Variants in RIPK1 observed in about 807,000 individuals in gnomAD.
The protein encoded by RIPK1 is receptor-interacting serine/threonine-protein kinase 1.
Under a neutral mutation model 62.4 loss-of-function variants are expected in RIPK1, and 27 were observed. That is an observed-to-expected ratio of 0.43 (90% confidence interval 0.32 to 0.60). RIPK1 has a LOEUF of 0.60. Ranked by LOEUF, RIPK1 falls within the 20% of genes least tolerant of loss-of-function variation. The pLI, the probability that RIPK1 is intolerant of heterozygous loss-of-function variation, is 0.07. For missense variants in RIPK1, 735 were observed against 831.0 expected (o/e 0.88, Z 1.42); for synonymous variants, 287 against 303.2 (o/e 0.95, Z 0.55).
intron 7 of RIPK1, among the ~76,000 whole-genome samples, chr6:3,101,326 A>C (rs1030556713): frequency 1.3e-5 from 2 of 152,158 alleles, no homozygotes; most frequent in Admixed American, 6.5e-5. Flanking sequence ...GAGGTGGCTC[A>C]TGCCTGTAAT....
chr6:3,098,417 A>G (rs972837385), intron 7 of RIPK1, among the ~76,000 whole-genome samples: 1 of 152,176 alleles, frequency 6.6e-6, no homozygotes, highest in Non-Finnish European at 1.5e-5. Context: ...TAAAACCACA[A>G]TAAGATAATA....
At chr6:3,103,601 C>A (rs1477597312) in intron 7 of RIPK1, among the ~76,000 whole-genome samples, 2 of 152,172 alleles carry the variant, frequency 1.3e-5, no homozygotes, top group Non-Finnish European at 2.9e-5. Flanking sequence ...TCTTTTTACT[C>A]TTTTCATAGT....
Position 3,072,271 on chromosome 6 carries a change from A to G in RIPK1, c.-61+3610A>G, listed in dbSNP as rs1373281789. On this transcript the variant is annotated intron_variant, in intron 1 of 10. Transcript: ENST00000259808. This position sits in a 1 kb window ranked among gnomAD's most constrained non-coding sequence, Gnocchi z 5.6. ...TCATGTCTATTGTGGAAAATTTGGA[A>G]AACATAGTAAAAGTGTAAAGAAGAA... Among the ~76,000 whole-genome samples the G allele has an allele frequency of 2.6e-5, 4 of 152,210 alleles. No homozygotes were observed. Among genetic ancestry groups the G allele is most frequent in the Non-Finnish European group, 4.4e-5 (3 of 68,038 alleles).
At chr6:3,079,864 G>T (rs1002213548) in intron 3 of RIPK1, among the ~76,000 whole-genome samples, 2 of 152,182 alleles carry the variant, frequency 1.3e-5, no homozygotes, top group African/African-American at 4.8e-5. Context: ...TACTAACCAG[G>T]CCCAACCCTG....
chr6:3,076,974 C>T lies in RIPK1; in HGVS notation c.151C>T (p.Pro51Ser), dbSNP rs1759098093. The change falls in exon 2 of 11, where the codon CCC (proline) becomes TCC (serine). Residue 51 changes from proline to serine, a missense_variant. Pro to Ser is a moderately conservative substitution (Grantham distance 74). Coordinates refer to ENST00000259808, the MANE Select transcript of RIPK1 (RefSeq NM_001354930.2). ...GATCATGAAAACAGTGTACAAGGGG[C>T]CCAACTGCATTGAGTGAGTAGGGAG... ...LMIMKTVYKG[P>S]NCIEHNEALL... 1 of 1,607,876 alleles carries T rather than the reference C, an allele frequency of 6.2e-7. No individual in the cohort carries two copies. Among genetic ancestry groups the T allele is most frequent in the Admixed American group, 1.7e-5 (1 of 59,638 alleles).
rs1029626449 is a variant in RIPK1, at chr6:3,074,667, A to T, written c.-60-2097A>T. Among the ~76,000 whole-genome samples the T allele has an allele frequency of 2.6e-5, 4 of 152,066 alleles. 1 individual carries two copies. The highest frequency in any genetic ancestry group is 3.2e-3 in the Middle Eastern group (1 of 316). ...GGTCTGTATCTGGATGTAGATATTT[A>T]TTATTTTATTTTATTTTAATTTTTT... On this transcript the variant is annotated intron_variant, in intron 1 of 10. Coordinates refer to ENST00000259808, the MANE Select transcript of RIPK1 (RefSeq NM_001354930.2).
intron 3 of RIPK1, among the ~76,000 whole-genome samples, chr6:3,079,810 T>G (rs1227828839): frequency 6.6e-6 from 1 of 152,244 alleles, no homozygotes; most frequent in East Asian, 1.9e-4. Flanking sequence ...CTGTTTGAAG[T>G]AAACATTTTG....
In RIPK1 at chr6:3,090,354, A is replaced by G. The variant is rs574139332; in HGVS notation, c.915+697A>G. Reference sequence around the variant, plus strand: ...TCCATCTTCCAGCAACCTACCCCATAATCATGAACAGGAGACTACGACAAA... The same window carrying G: ...TCCATCTTCCAGCAACCTACCCCATGATCATGAACAGGAGACTACGACAAA... On this transcript the variant is annotated intron_variant, in intron 7 of 10. Transcript: ENST00000259808. Among the ~76,000 whole-genome samples, 16 of 152,220 alleles carry G rather than the reference A, an allele frequency of 1.1e-4. No individual in the cohort carries two copies. In the South Asian group the frequency reaches 3.1e-3, roughly 30 times the overall value.
intron 7 of RIPK1, among the ~76,000 whole-genome samples, chr6:3,090,761 C>A (rs56814079): frequency 0.044 from 6,341 of 143,554 alleles, 315 homozygotes; most frequent in African/African-American, 0.17. Context: ...ATAACCGCAG[C>A]GCACCTACCT....
chr6:3,073,232 T>G (rs937129900), intron 1 of RIPK1, among the ~76,000 whole-genome samples: 6 of 133,068 alleles, frequency 4.5e-5, no homozygotes, highest in Non-Finnish European at 9.9e-5. Flanking sequence ...TACACACATA[T>G]ACATTTTTAT....
At chr6:3,101,109 C>G (rs1169897803) in intron 7 of RIPK1, among the ~76,000 whole-genome samples, 1 of 151,704 alleles carries the variant, frequency 6.6e-6, no homozygotes, top group Non-Finnish European at 1.5e-5. Context: ...AAAAACCGAT[C>G]TCTACAAAAA....
intron 6 of RIPK1, among the ~76,000 whole-genome samples, chr6:3,086,715 A>G (rs1260158788): frequency 6.6e-6 from 1 of 152,164 alleles, no homozygotes; most frequent in African/African-American, 2.4e-5. Context: ...GTGTTCAGCA[A>G]CCTCAAGCTC....
intron 3 of RIPK1, among the ~76,000 whole-genome samples, chr6:3,079,790 A>G (rs949910716): frequency 2.0e-5 from 3 of 152,360 alleles, no homozygotes; most frequent in Admixed American, 6.5e-5. Context: ...CCAGAACTAG[A>G]GAAGATCAGC....
At chr6:3,086,773 G>A (rs1434418040) in intron 6 of RIPK1, among the ~76,000 whole-genome samples, 4 of 152,180 alleles carry the variant, frequency 2.6e-5, no homozygotes, top group African/African-American at 4.8e-5. Flanking sequence ...CATTACATAC[G>A]CATGACTGAC....
At chr6:3,095,897 T>G (rs1581418355) in intron 7 of RIPK1, among the ~76,000 whole-genome samples, 1 of 150,764 alleles carries the variant, frequency 6.6e-6, no homozygotes, top group Non-Finnish European at 1.5e-5. Flanking sequence ...TAGGCTGGAG[T>G]GCAGTGGCGT....
upstream of RIPK1, chr6:3,068,196 G>A (rs1272455057): frequency 9.1e-6 from 9 of 984,854 alleles, no homozygotes; most frequent in Non-Finnish European, 1.1e-5. Flanking sequence ...GAAGGTAGAG[G>A]AATGCTAACT....
chr6:3,068,116 C>A, upstream of RIPK1: 1 of 732,472 alleles, frequency 1.4e-6, no homozygotes, highest in Non-Finnish European at 1.7e-6. Flanking sequence ...TTGCTCGAGA[C>A]TTCACAATTA....
rs201429839 is a variant in RIPK1, at chr6:3,105,745, A to G, written c.1270A>G (p.Arg424Gly). 1.7e-5 allele frequency: 28 copies of G among 1,614,138 alleles called. No homozygotes were observed. The highest frequency in any genetic ancestry group is 2.2e-5 in the Non-Finnish European group (26 of 1,180,056). The change falls in exon 9 of 11, where the codon AGA becomes GGA. Residue 424 changes from arginine (R) to glycine (G), a missense_variant. By Grantham distance (125) the Arg-to-Gly change is moderately radical. Coordinates refer to ENST00000259808, the MANE Select transcript of RIPK1 (RefSeq NM_001354930.2). The surrounding 1 kb of genome is among the most constrained non-coding windows in gnomAD (Gnocchi z 4.5). Reference sequence around the variant, plus strand: ...CTCCCATGACCCTTTTGCACAGCAAAGACCTTACGAGAATTTTCAGAATAC... The same window carrying G: ...CTCCCATGACCCTTTTGCACAGCAAGGACCTTACGAGAATTTTCAGAATAC... The part of the protein sequence containing the change: ...RVSHDPFAQQ[R>G]PYENFQNTEG...
intron 1 of RIPK1, chr6:3,069,040 C>A (rs1209650477): frequency 2.6e-5 from 4 of 152,254 alleles, no homozygotes; most frequent in Non-Finnish European, 4.4e-5. Context: ...TATCCGGAGT[C>A]CGCTGGCCGC....
Sources: allele counts gnomAD v4.1 joint callset (sites outside exome capture counted in the v4.1 genomes callset), GRCh38; gene constraint gnomAD v4.1.1; non-coding constraint Gnocchi (gnomAD v3.1); transcripts MANE v1.5; gene names NCBI Gene and HGNC (gene_info 2026-07-23, HGNC 2026-07-21).